Variants in MYO10 observed in about 807,000 individuals in gnomAD.
The protein encoded by MYO10 is unconventional myosin-X.
MYO10 carries 133 observed loss-of-function variants against 257.3 expected under a neutral mutation model. That is an observed-to-expected ratio of 0.52 (90% CI 0.45 to 0.60). The LOEUF (loss-of-function observed/expected upper bound fraction) is 0.60, where lower values mean the gene tolerates loss of function less well. Ranked by LOEUF, MYO10 falls within the 20% of genes least tolerant of loss-of-function variation. The pLI is 0.00. For missense variants in MYO10, 2,399 were observed against 2,635.7 expected (o/e 0.91, Z 1.97); for synonymous variants, 1,104 against 1,028.6 (o/e 1.07, Z -1.40).
At chr5:16,880,673 C>A (rs567711889) in intron 1 of MYO10, among the ~76,000 whole-genome samples, 1 of 152,270 alleles carries the variant, frequency 6.6e-6, no homozygotes, top group South Asian at 2.1e-4. Flanking sequence ...GGGGCCAGTA[C>A]CTATTTGCAC....
Position 16,815,318 on chromosome 5 carries a change from T to A in MYO10, c.279+2691A>T, listed in dbSNP as rs114703357. ...GAATATTTGCATACTATGTACTGGT[T>A]AAGCATAATTTAAGTTAAATTCAAA... On this transcript the variant is annotated intron_variant, in intron 3 of 40. Coordinates refer to ENST00000513610, the MANE Select transcript of MYO10 (RefSeq NM_012334.3). 3,824 of 636,040 alleles carry A rather than the reference T, an allele frequency of 6.0e-3. 91 individuals are homozygous for A. Among genetic ancestry groups the A allele is most frequent in the African/African-American group, 0.059 (3,232 of 54,866 alleles). The allele number at this position is 636,040 out of a possible 1,614,324, so 39.4% of individuals were successfully genotyped here. A position where few individuals can be genotyped will look rare whatever the true frequency, so the allele number is the denominator to read the frequency against.
intron 2 of MYO10, among the ~76,000 whole-genome samples, chr5:16,875,341 A>T (rs1234614001): frequency 6.6e-6 from 1 of 152,244 alleles, no homozygotes; most frequent in Non-Finnish European, 1.5e-5. Context: ...AGACAGGCGG[A>T]GTGACAGAAA....
intron 1 of MYO10, among the ~76,000 whole-genome samples, chr5:16,891,252 G>A (rs1745039995): frequency 1.3e-5 from 2 of 151,434 alleles, no homozygotes; most frequent in Non-Finnish European, 2.9e-5. Flanking sequence ...TCAAGATTGT[G>A]CCATTGCACT....
chr5:16,671,130 G>A (rs186194695), intron 38 of MYO10, among the ~76,000 whole-genome samples, 152 bp from the exon 39 acceptor site: 1 of 152,234 alleles, frequency 6.6e-6, no homozygotes, highest in Non-Finnish European at 1.5e-5. Context: ...CTGGCTCACT[G>A]CTTTAAATTT....
At chr5:16,713,523 G>C (rs1402872904) in intron 19 of MYO10, 11 of 982,792 alleles carry the variant, frequency 1.1e-5, no homozygotes, top group Non-Finnish European at 1.3e-5. Context: ...AATTAGTGTG[G>C]TGTGGTTGTA....
chr5:16,727,686 A>G (rs1420244739), intron 19 of MYO10, among the ~76,000 whole-genome samples: 2 of 152,182 alleles, frequency 1.3e-5, no homozygotes, highest in African/African-American at 4.8e-5. Flanking sequence ...TTTAGTTTTC[A>G]GGGATCCCCC....
Position 16,781,697 on chromosome 5 carries a change from G to A in MYO10, c.727+8C>T, listed in dbSNP as rs979630952. 2.5e-6 allele frequency: 4 copies of A among 1,612,018 alleles called. No individual in the cohort carries two copies. The African/African-American group carries it at 4.0e-5, about 16-fold the overall frequency. ...TTACTATAGATAAAAATAAATGAAA[G>A]AGGATACAATCTACAATTCTCCCGC... On this transcript the variant is annotated splice_region_variant and intron_variant, in intron 6 of 40. Coordinates refer to ENST00000513610, the MANE Select transcript of MYO10 (RefSeq NM_012334.3).
chr5:16,862,527 C>T (rs2126746964), intron 2 of MYO10, among the ~76,000 whole-genome samples: 1 of 152,224 alleles, frequency 6.6e-6, no homozygotes, highest in Non-Finnish European at 1.5e-5. Context: ...CCAAACAAGG[C>T]CTTCGCATTT....
At chr5:16,747,551 A>T (rs1740231650) in intron 19 of MYO10, among the ~76,000 whole-genome samples, 1 of 152,246 alleles carries the variant, frequency 6.6e-6, no homozygotes, top group Admixed American at 6.5e-5. Context: ...TGAACACTTT[A>T]TTCACAAACT....
chr5:16,900,741 C>CTTTTT (rs1745353417), intron 1 of MYO10, among the ~76,000 whole-genome samples: 1 of 89,270 alleles, frequency 1.1e-5, no homozygotes, highest in Non-Finnish European at 2.3e-5. Flanking sequence ...CTCCCTAAAT[C>CTTTTT]TTGTTTTTTT....
intron 2 of MYO10, among the ~76,000 whole-genome samples, chr5:16,853,495 G>A (rs1743872705): frequency 6.6e-6 from 1 of 152,150 alleles, no homozygotes; most frequent in African/African-American, 2.4e-5. Context: ...GCCACCTGCA[G>A]TGGTCACTGT....
rs1204595242 is a variant in MYO10 at position 16,935,864 on chromosome 5, G to C, written c.-56C>G. The C allele has an allele frequency of 1.2e-6, 2 of 1,602,852 alleles. No individual in the cohort carries two copies. The highest frequency in any genetic ancestry group is 1.7e-6 in the Non-Finnish European group (2 of 1,175,140). On this transcript the variant is annotated 5_prime_UTR_variant, in exon 1 of 41. Coordinates refer to ENST00000513610, the MANE Select transcript of MYO10 (RefSeq NM_012334.3). The stretch of plus-strand genomic sequence containing the variant: ...GCCGCTCCGACTCGCGGAAGTCAGC[G>C]CCGCCGCGGGTCCGGGGAAACCATG...
At chr5:16,764,757 C>T (rs1298845093) in intron 11 of MYO10, among the ~76,000 whole-genome samples, 1 of 152,096 alleles carries the variant, frequency 6.6e-6, no homozygotes, top group African/African-American at 2.4e-5. Flanking sequence ...GGCGTGATCT[C>T]GGCTCACAGC....
intron 9 of MYO10, among the ~76,000 whole-genome samples, chr5:16,772,960 G>A (rs1362383773): frequency 6.6e-6 from 1 of 152,096 alleles, no homozygotes; most frequent in Non-Finnish European, 1.5e-5. Context: ...GAAACTTTTG[G>A]GGCAGAGGAT....
At chr5:16,831,399 A>G (rs1055284310) in intron 2 of MYO10, among the ~76,000 whole-genome samples, 5 of 152,194 alleles carry the variant, frequency 3.3e-5, no homozygotes, top group African/African-American at 1.2e-4. Context: ...AAGTCATTAT[A>G]CAAAAAAGAT....
At chr5:16,855,922 C>T (rs1311113563) in intron 2 of MYO10, among the ~76,000 whole-genome samples, 2 of 152,178 alleles carry the variant, frequency 1.3e-5, no homozygotes, top group African/African-American at 4.8e-5. Context: ...GGAAGACCTA[C>T]GCTATTATTA....
At chr5:16,679,036 C>T (rs867412801) in intron 33 of MYO10, among the ~76,000 whole-genome samples, 11 of 152,316 alleles carry the variant, frequency 7.2e-5, no homozygotes, top group African/African-American at 2.6e-4. Flanking sequence ...ATTCCTTCAT[C>T]TCACATAGAT....
At chr5:16,904,397 G>C (rs988773592) in intron 1 of MYO10, among the ~76,000 whole-genome samples, 3 of 152,154 alleles carry the variant, frequency 2.0e-5, no homozygotes, top group Admixed American at 6.5e-5. Flanking sequence ...AAGATCAAGG[G>C]AACCCTGATG....
chr5:16,856,922 T>C (rs1459669341), intron 2 of MYO10, among the ~76,000 whole-genome samples: 2 of 152,194 alleles, frequency 1.3e-5, no homozygotes, highest in African/African-American at 2.4e-5. Context: ...ATGGAAACTT[T>C]GGGAGTTCCA....
Sources: gnomAD v4.1 joint callset for allele counts (sites outside exome capture counted in the v4.1 genomes callset) on GRCh38, gnomAD v4.1.1 for gene constraint, MANE v1.5 for transcripts, NCBI Gene and HGNC (gene_info 2026-07-23, HGNC 2026-07-21) for gene names.